The following PTPRD variants were observed in gnomAD, a reference collection of about 807,000 sequenced individuals.
PTPRD encodes protein tyrosine phosphatase receptor type D.
PTPRD carries 34 observed loss-of-function variants against 214.5 expected under a neutral mutation model. That is an observed-to-expected ratio of 0.16 (90% CI 0.12 to 0.21). PTPRD has a LOEUF of 0.21. Ranked by LOEUF, PTPRD falls within the 10% of genes least tolerant of loss-of-function variation. The probability of loss-of-function intolerance (pLI) is 1.00; values close to 1 mark genes in which losing one functional copy is unlikely to be tolerated. For synonymous variants in PTPRD, 1,128 were observed against 845.7 expected, an observed-to-expected ratio of 1.33 and a Z score of -5.79; for missense variants, 2,545 against 2,398.7, an observed-to-expected ratio of 1.06 and a Z score of -1.27.
intron 6 of PTPRD, among the ~76,000 whole-genome samples, chr9:9,753,725 C>G (rs1350698692): frequency 1.3e-5 from 2 of 151,910 alleles, no homozygotes; most frequent in African/African-American, 4.8e-5. Flanking sequence ...CAGATGCTCT[C>G]TGAAAATTAC....
intron 3 of PTPRD, among the ~76,000 whole-genome samples, chr9:10,186,622 T>C (rs1193387030): frequency 6.6e-6 from 1 of 151,926 alleles, no homozygotes; most frequent in Non-Finnish European, 1.5e-5. Context: ...ATAAATAACA[T>C]AGTAGAAAAA....
chr9:8,891,685 C>T (rs375773428), intron 11 of PTPRD, among the ~76,000 whole-genome samples: 3 of 152,218 alleles, frequency 2.0e-5, no homozygotes, highest in East Asian at 3.9e-4. Context: ...TACTCATACA[C>T]CTGACATGGC....
At chr9:9,869,549 T>C (rs1480142992) in intron 5 of PTPRD, among the ~76,000 whole-genome samples, 1 of 152,110 alleles carries the variant, frequency 6.6e-6, no homozygotes, top group Non-Finnish European at 1.5e-5. Context: ...ACATTGTATG[T>C]TTCCTGACGG....
chr9:9,093,605 A>C (rs1274099739), intron 10 of PTPRD, among the ~76,000 whole-genome samples: 3 of 152,000 alleles, frequency 2.0e-5, no homozygotes, highest in African/African-American at 7.2e-5. Flanking sequence ...AAGGCAAGTC[A>C]CATGGGAAAT....
rs2097376320 is a variant in PTPRD at position 8,500,568 on chromosome 9, A to G, written c.2128+186T>C. Among the ~76,000 whole-genome samples, 8 of 142,542 alleles carry G rather than the reference A, an allele frequency of 5.6e-5. No homozygotes were observed. The East Asian group carries it at 8.1e-4, about 14-fold the overall frequency. The allele number at this position is 142,542 out of a possible 152,430, so 93.5% of individuals were successfully genotyped here. ...GAGATTGAAAAAAATGAAAAAAAAA[A>G]AAAAAAAAAAAAAAAAAAAAAAGGC... On this transcript the variant is annotated intron_variant, in intron 24 of 45. Transcript: ENST00000381196.
chr9:9,123,941 A>G (rs1186709980), intron 10 of PTPRD, among the ~76,000 whole-genome samples: 1 of 151,580 alleles, frequency 6.6e-6, no homozygotes. Flanking sequence ...GCTAAAGCAC[A>G]CCTCAGAAAA....
At chr9:10,158,994 GT>G (rs1564205073) in intron 3 of PTPRD, among the ~76,000 whole-genome samples, 1 of 152,110 alleles carries the variant, frequency 6.6e-6, no homozygotes, top group Non-Finnish European at 1.5e-5. Flanking sequence ...GCAGCACCAT[GT>G]TGTAGGAGGT....
intron 11 of PTPRD, among the ~76,000 whole-genome samples, chr9:8,953,063 T>C (rs2099111758): frequency 1.3e-5 from 2 of 151,996 alleles, no homozygotes; most frequent in African/African-American, 4.8e-5. Flanking sequence ...AATTATATTT[T>C]AGAATAGTTT....
intron 8 of PTPRD, among the ~76,000 whole-genome samples, chr9:9,398,862 A>C (rs1165795873): frequency 6.6e-6 from 1 of 151,996 alleles, no homozygotes; most frequent in Non-Finnish European, 1.5e-5. Flanking sequence ...ATCTTAGAAA[A>C]GAGAACTTAT....
chr9:8,462,160 C>T (rs1227979781), intron 32 of PTPRD, among the ~76,000 whole-genome samples: 1 of 151,970 alleles, frequency 6.6e-6, no homozygotes, highest in Non-Finnish European at 1.5e-5. Context: ...GTATGAGTTT[C>T]TTAATTTTTC....
intron 9 of PTPRD, among the ~76,000 whole-genome samples, chr9:9,341,488 G>T (rs2046790488): frequency 6.6e-6 from 1 of 152,100 alleles, no homozygotes. Flanking sequence ...GACATTAGTA[G>T]CCTGGTTTCC....
At chr9:8,921,964 G>A (rs2098831026) in intron 11 of PTPRD, among the ~76,000 whole-genome samples, 1 of 152,128 alleles carries the variant, frequency 6.6e-6, no homozygotes, top group Non-Finnish European at 1.5e-5. Flanking sequence ...CAATAAAAGG[G>A]AAAGTTGGCA....
chr9:10,485,173 A>C (rs1383759271), intron 2 of PTPRD, among the ~76,000 whole-genome samples: 1 of 151,996 alleles, frequency 6.6e-6, no homozygotes, highest in Admixed American at 6.6e-5. Flanking sequence ...AGTTCACTGC[A>C]GGTATGTAAA....
chr9:10,187,433 C>T (rs2099341528), intron 3 of PTPRD, among the ~76,000 whole-genome samples: 1 of 152,116 alleles, frequency 6.6e-6, no homozygotes, highest in African/African-American at 2.4e-5. Context: ...GCACAAAGAC[C>T]TCTCAACAAA....
At chr9:9,883,915 G>A (rs760111129) in intron 5 of PTPRD, among the ~76,000 whole-genome samples, 2 of 152,002 alleles carry the variant, frequency 1.3e-5, no homozygotes, top group African/African-American at 2.4e-5. Context: ...AGTAGCTCCT[G>A]GAAAGTCAAG....
At chr9:10,428,396 T>G (rs2154519704) in intron 2 of PTPRD, among the ~76,000 whole-genome samples, 1 of 152,148 alleles carries the variant, frequency 6.6e-6, no homozygotes, top group South Asian at 2.1e-4. Flanking sequence ...TACCTTTAAA[T>G]ACCAACTGTT....
intron 3 of PTPRD, among the ~76,000 whole-genome samples, chr9:10,218,009 G>C (rs540103908): frequency 5.3e-4 from 81 of 151,860 alleles, no homozygotes; most frequent in Middle Eastern, 3.4e-3. Flanking sequence ...GGGTAGGGGG[G>C]TTAATTCTAT....
chr9:9,820,598 A>G (rs1353021095), intron 5 of PTPRD, among the ~76,000 whole-genome samples: 1 of 152,088 alleles, frequency 6.6e-6, no homozygotes, highest in Non-Finnish European at 1.5e-5. Context: ...GTTTTCTTCT[A>G]GGATTCTTGT....
At chr9:10,245,233 A>G (rs1005386253) in intron 3 of PTPRD, among the ~76,000 whole-genome samples, 1 of 152,166 alleles carries the variant, frequency 6.6e-6, no homozygotes, top group Non-Finnish European at 1.5e-5. Context: ...CATATGTTAT[A>G]GAAACCTGTG....
Sources: gnomAD v4.1 joint callset for allele counts (sites outside exome capture counted in the v4.1 genomes callset) on GRCh38, gnomAD v4.1.1 for gene constraint, MANE v1.5 for transcripts, NCBI Gene and HGNC (gene_info 2026-07-23, HGNC 2026-07-21) for gene names.